Variants in LPP observed in about 807,000 individuals in gnomAD.
LPP encodes the protein LIM domain containing preferred translocation partner in lipoma, also known as lipoma-preferred partner.
LPP carries 38 observed loss-of-function variants against 60.4 expected under a neutral mutation model. That is an observed-to-expected ratio of 0.63 (90% CI 0.49 to 0.83). LPP has a LOEUF of 0.83. Among genes scored for constraint, LPP ranks in the 40% least tolerant of loss-of-function variants. The pLI, the probability that LPP is intolerant of heterozygous loss-of-function variation, is 0.00. For missense variants in LPP, 902 were observed against 783.6 expected, an observed-to-expected ratio of 1.15 and a Z score of -1.80; for synonymous variants, 328 against 290.8, an observed-to-expected ratio of 1.13 and a Z score of -1.30.
intron 6 of LPP, among the ~76,000 whole-genome samples, chr3:188,602,153 AAT>A (rs1169818692): frequency 2.4e-5 from 3 of 126,360 alleles, no homozygotes; most frequent in African/African-American, 8.4e-5. Flanking sequence ...ATATATATAT[AAT>A]ATATATATAA....
At chr3:188,590,531 G>A (rs1024511776) in intron 6 of LPP, among the ~76,000 whole-genome samples, 14 of 152,062 alleles carry the variant, frequency 9.2e-5, no homozygotes, top group Non-Finnish European at 1.8e-4. Context: ...CTGAGATCGC[G>A]TCACTGCAAT....
chr3:188,403,006 T>C (rs1782606283), intron 3 of LPP, among the ~76,000 whole-genome samples: 1 of 152,120 alleles, frequency 6.6e-6, no homozygotes. Context: ...TGAAAACTTA[T>C]TATAAATCCT....
chr3:188,828,575 A>G (rs1360189038), intron 9 of LPP, among the ~76,000 whole-genome samples: 1 of 135,934 alleles, frequency 7.4e-6, no homozygotes, highest in Non-Finnish European at 1.5e-5. Context: ...AGATCACGCC[A>G]TTGCACTCTA....
intron 6 of LPP, chr3:188,569,239 T>C (rs1000018903): frequency 6.6e-6 from 1 of 151,908 alleles, no homozygotes; most frequent in Admixed American, 6.6e-5. Context: ...AATGACTTTA[T>C]ATGTTCTGTA....
chr3:188,242,975 T>C (rs1259906255), intron 2 of LPP, among the ~76,000 whole-genome samples: 4 of 152,090 alleles, frequency 2.6e-5, no homozygotes, highest in Non-Finnish European at 5.9e-5. Context: ...AATTTGAGTA[T>C]AAAAAAGAGA....
At chr3:188,534,556 T>C (rs752137549) in intron 6 of LPP, among the ~76,000 whole-genome samples, 95 of 152,346 alleles carry the variant, frequency 6.2e-4, no homozygotes, top group Admixed American at 1.5e-3. Flanking sequence ...ATAGTTCCTT[T>C]CTTTTCTTTT....
At chr3:188,724,429 T>C (rs1361716944) in intron 8 of LPP, among the ~76,000 whole-genome samples, 1 of 152,186 alleles carries the variant, frequency 6.6e-6, no homozygotes, top group Non-Finnish European at 1.5e-5. Flanking sequence ...TTTAGTATGA[T>C]TTGATTTTCT....
In LPP at chr3:188,887,440, C is replaced by T. The variant is rs61518771; in HGVS notation, c.*12961C>T. ...TGTGTTTCATTCCTTCAAACATAAACTTTGAGAGTAAAAGAGATTTTTATA... is the reference window on the plus strand; with the variant it reads ...TGTGTTTCATTCCTTCAAACATAAATTTTGAGAGTAAAAGAGATTTTTATA... On this transcript the variant is annotated 3_prime_UTR_variant, in exon 12 of 12. Coordinates refer to ENST00000617246, the MANE Select transcript of LPP (RefSeq NM_001375462.1). 0.013 allele frequency: 2,883 copies of T among 215,058 alleles called. 67 individuals are homozygous for T. Among genetic ancestry groups the T allele is most frequent in the African/African-American group, 0.059 (2,608 of 44,388 alleles). 13.3% of individuals were successfully genotyped at this position (215,058 alleles called of 1,614,324 possible).
intron 1 of LPP, among the ~76,000 whole-genome samples, chr3:188,170,563 C>A (rs1721309636): frequency 6.6e-6 from 1 of 151,890 alleles, no homozygotes; most frequent in Non-Finnish European, 1.5e-5. Flanking sequence ...AAACTTCCAA[C>A]CTTGTGATCT....
chr3:188,562,000 G>A (rs912958520), intron 6 of LPP, among the ~76,000 whole-genome samples: 4 of 151,838 alleles, frequency 2.6e-5, no homozygotes, highest in African/African-American at 9.7e-5. Context: ...AGGGCAGTGT[G>A]GACTGAATGT....
chr3:188,571,927 G>C (rs898908974), intron 6 of LPP, among the ~76,000 whole-genome samples: 1 of 152,000 alleles, frequency 6.6e-6, no homozygotes, highest in African/African-American at 2.4e-5. Context: ...ACTAATTACT[G>C]TTACGTGGTA....
intron 3 of LPP, among the ~76,000 whole-genome samples, chr3:188,397,939 A>G (rs1325826472): frequency 2.0e-5 from 3 of 152,202 alleles, no homozygotes; most frequent in Non-Finnish European, 4.4e-5. Flanking sequence ...ATCTGAGACA[A>G]TGTTTACTGG....
intron 8 of LPP, among the ~76,000 whole-genome samples, chr3:188,752,039 T>C (rs6775077): frequency 0.019 from 2,877 of 152,290 alleles, 101 homozygotes; most frequent in African/African-American, 0.066. Context: ...TGCCTTTCTG[T>C]TCTAGTTGTT....
chr3:188,602,177 T>TATATA (rs1841455556), intron 6 of LPP, among the ~76,000 whole-genome samples: 7 of 115,270 alleles, frequency 6.1e-5, no homozygotes, highest in African/African-American at 1.9e-4. Flanking sequence ...ATATATATAT[T>TATATA]ATATATATAT....
At position 188,346,282 on chromosome 3, in the gene LPP, C is replaced by T. The variant is rs568180360; in HGVS notation, c.-10+4563C>T. 6.1e-3 allele frequency among the ~76,000 whole-genome samples: 522 copies of T among 85,530 alleles called. 1 individual carries two copies. The highest frequency in any genetic ancestry group is 0.014 in the Middle Eastern group (1 of 74). 56.1% of individuals were successfully genotyped at this position (85,530 alleles called of 152,430 possible). A position where few individuals can be genotyped will look rare whatever the true frequency, so the allele number is the denominator to read the frequency against. Reference sequence around the variant, plus strand: ...TTTTTTTTTTTTTTTTTTTTTGAGACGGAGTCTCGCTCTGTCACCCAGGCT... The same window carrying T: ...TTTTTTTTTTTTTTTTTTTTTGAGATGGAGTCTCGCTCTGTCACCCAGGCT... On this transcript the variant is annotated intron_variant, in intron 3 of 11. Transcript: ENST00000617246.
chr3:188,327,967 G>A (rs1758914015), intron 2 of LPP, among the ~76,000 whole-genome samples: 2 of 152,070 alleles, frequency 1.3e-5, no homozygotes, highest in Non-Finnish European at 1.5e-5. Flanking sequence ...AAATATATTT[G>A]TGAAAAAATA....
chr3:188,756,352 T>G (rs980419424), intron 8 of LPP, among the ~76,000 whole-genome samples: 1 of 152,196 alleles, frequency 6.6e-6, no homozygotes, highest in African/African-American at 2.4e-5. Context: ...GACTGACTGC[T>G]CAGCATTGGC....
At chr3:188,195,769 C>G (rs1467004122) in intron 1 of LPP, among the ~76,000 whole-genome samples, 1 of 152,144 alleles carries the variant, frequency 6.6e-6, no homozygotes, top group Non-Finnish European at 1.5e-5. Context: ...AAATGCATTT[C>G]TCCTATGATT....
chr3:188,510,812 C>G (rs1411593030), intron 5 of LPP, among the ~76,000 whole-genome samples: 2 of 152,186 alleles, frequency 1.3e-5, no homozygotes, highest in Non-Finnish European at 2.9e-5. Context: ...TACTTGTTCT[C>G]CATTTAAGGC....
Sources: gnomAD v4.1 joint callset for allele counts (sites outside exome capture counted in the v4.1 genomes callset) on GRCh38, gnomAD v4.1.1 for gene constraint, MANE v1.5 for transcripts, NCBI Gene and HGNC (gene_info 2026-07-23, HGNC 2026-07-21) for gene names.